The following PIK3R5 variants were observed in gnomAD, a reference collection of about 807,000 sequenced individuals.
PIK3R5 encodes the protein phosphoinositide 3-kinase regulatory subunit 5.
PIK3R5 carries 32 observed loss-of-function variants against 94.9 expected under a neutral mutation model. The ratio of observed to expected loss-of-function variants is 0.34; its 90% CI spans 0.25 to 0.45. The LOEUF (loss-of-function observed/expected upper bound fraction) is 0.45. PIK3R5 is among the 20% of genes least tolerant of loss of function. The pLI is 1.00. For synonymous variants in PIK3R5, 443 were observed against 479.4 expected, an observed-to-expected ratio of 0.92 and a Z score of 0.99; for missense variants, 853 against 1,144.6, an observed-to-expected ratio of 0.75 and a Z score of 3.68.
At chr17:8,917,174 G>A (rs1477100481) in intron 1 of PIK3R5, among the ~76,000 whole-genome samples, 1 of 152,214 alleles carries the variant, frequency 6.6e-6, no homozygotes, top group African/African-American at 2.4e-5. Context: ...GTTACTATGG[G>A]AGGTGGAGGT....
At chr17:8,962,876 C>T (rs186609043) in intron 1 of PIK3R5, among the ~76,000 whole-genome samples, 1 of 152,330 alleles carries the variant, frequency 6.6e-6, no homozygotes, top group Admixed American at 6.5e-5. Context: ...CCTTTCTCTC[C>T]TCCCACCCCA....
rs61759570 is a variant in PIK3R5 at position 8,911,356 on chromosome 17, A to C, written c.103+36T>G. The C allele has an allele frequency of 1.1e-5, 17 of 1,534,888 alleles. No individual in the cohort carries two copies. Among genetic ancestry groups the C allele is most frequent in the Non-Finnish European group, 1.5e-5 (17 of 1,122,076 alleles). Reference sequence around the variant, plus strand: ...CACCGTGGCCCCTGAGGCTTCCTTGAGCCCTCAAACACCTCCCCGGCTCCC... The same window carrying C: ...CACCGTGGCCCCTGAGGCTTCCTTGCGCCCTCAAACACCTCCCCGGCTCCC... On this transcript the variant is annotated intron_variant, in intron 2 of 18. Coordinates refer to ENST00000447110, the MANE Select transcript of PIK3R5 (RefSeq NM_001142633.3). The surrounding 1 kb of genome is among the most constrained non-coding windows in gnomAD (Gnocchi z 5.3).
In PIK3R5 at chr17:8,911,258, G is replaced by T. The variant is rs2090518292; in HGVS notation, c.103+134C>A. Reference sequence around the variant, plus strand: ...GCGCCAGGCACCTGCCCAGGAGAAGGCTGAGGCTTGCCCAAGTCACACAGA... The same window carrying T: ...GCGCCAGGCACCTGCCCAGGAGAAGTCTGAGGCTTGCCCAAGTCACACAGA... On this transcript the variant is annotated intron_variant, in intron 2 of 18. Coordinates refer to ENST00000447110, the MANE Select transcript of PIK3R5 (RefSeq NM_001142633.3). This position sits in a 1 kb window ranked among gnomAD's most constrained non-coding sequence, Gnocchi z 5.3. 3 of 677,176 alleles carry T rather than the reference G, an allele frequency of 4.4e-6. No individual in the cohort carries two copies. Among genetic ancestry groups the T allele is most frequent in the Non-Finnish European group, 7.7e-6 (3 of 387,474 alleles). 41.9% of individuals were successfully genotyped at this position (677,176 alleles called of 1,614,324 possible).
chr17:8,919,580 G>A (rs1597403390), intron 1 of PIK3R5, among the ~76,000 whole-genome samples: 1 of 152,164 alleles, frequency 6.6e-6, no homozygotes, highest in East Asian at 1.9e-4. Flanking sequence ...ACAGTTCATA[G>A]TTAATATATT....
At chr17:8,921,088 G>A (rs1010589472) in intron 1 of PIK3R5, among the ~76,000 whole-genome samples, 9 of 151,918 alleles carry the variant, frequency 5.9e-5, no homozygotes, top group Admixed American at 1.3e-4. Flanking sequence ...TGATCCACCC[G>A]CCTCAGCCTC....
In PIK3R5 at chr17:8,904,858, G is replaced by A. The variant is rs373905508; in HGVS notation, c.331C>T (p.Arg111Trp). The change falls in exon 5 of 19, where the codon CGG becomes TGG. Residue 111 changes from arginine (R) to tryptophan (W), a missense_variant. Physicochemically the swap from Arg to Trp is moderately radical, Grantham distance 101. This residue lies in a region of PIK3R5 where 108 missense variants were observed against 170.1 expected (regional missense o/e 0.63). Transcript: ENST00000447110. This position sits in a 1 kb window ranked among gnomAD's most constrained non-coding sequence, Gnocchi z 5.1. ...LLLKAASTYH[R>W]FLTWPVPYCS... ...TAAGGAACAGGCCAGGTCAGGAACC[G>A]GTGGTAGGTGCTGGCTGCCTTCAGA... 5 of 1,613,978 alleles carry A rather than the reference G, an allele frequency of 3.1e-6. No homozygotes were observed. The highest frequency in any genetic ancestry group is 1.3e-5 in the African/African-American group (1 of 74,932).
At chr17:8,963,539 T>G (rs1394311565) in intron 1 of PIK3R5, among the ~76,000 whole-genome samples, 2 of 139,858 alleles carry the variant, frequency 1.4e-5, no homozygotes, top group Admixed American at 7.2e-5. Flanking sequence ...TTTTTTTTTT[T>G]GTTTGTCTGT....
At chr17:8,887,269 C>A in intron 11 of PIK3R5, 48 bp from the exon 12 acceptor site, 2 of 1,607,740 alleles carry the variant, frequency 1.2e-6, no homozygotes, top group Non-Finnish European at 8.5e-7. Context: ...AGGAGGCCTG[C>A]CCATCCTAGC....
intron 1 of PIK3R5, among the ~76,000 whole-genome samples, chr17:8,912,961 C>T (rs1166288859): frequency 6.6e-6 from 1 of 152,228 alleles, no homozygotes; most frequent in Non-Finnish European, 1.5e-5. Context: ...CACCTTGGTT[C>T]CATCACGGGT....
intron 5 of PIK3R5, among the ~76,000 whole-genome samples, chr17:8,902,287 C>T (rs571760821): frequency 1.8e-5 from 2 of 113,340 alleles, no homozygotes; most frequent in South Asian, 2.8e-4. Context: ...GATGGAGTCT[C>T]GCTTTGTCTG....
intron 1 of PIK3R5, among the ~76,000 whole-genome samples, chr17:8,923,904 CCCCTT>C (rs1364324514): frequency 7.6e-6 from 1 of 131,164 alleles, no homozygotes; most frequent in Non-Finnish European, 1.6e-5. Context: ...CCCCTCCCCT[CCCCTT>C]CCCTTCCCTT....
intron 1 of PIK3R5, among the ~76,000 whole-genome samples, chr17:8,957,296 T>G (rs2091481158): frequency 6.6e-6 from 1 of 152,230 alleles, no homozygotes. Context: ...ACTGTTGACC[T>G]GCTCTGAATT....
rs896289643 is a variant in PIK3R5, at chr17:8,881,485, T to TCA, written c.2382+143_2382+144dup. 3 of 699,890 alleles carry TCA rather than the reference T, an allele frequency of 4.3e-6. No individual in the cohort carries two copies. The highest frequency in any genetic ancestry group is 2.5e-6 in the Non-Finnish European group (1 of 394,964). 43.4% of individuals were successfully genotyped at this position (699,890 alleles called of 1,614,324 possible). On this transcript the variant is annotated intron_variant, in intron 17 of 18. Coordinates refer to ENST00000447110, the MANE Select transcript of PIK3R5 (RefSeq NM_001142633.3). This position sits in a 1 kb window ranked among gnomAD's most constrained non-coding sequence, Gnocchi z 4.8. The stretch of plus-strand genomic sequence containing the variant: ...TCCTCCCCCACCTCTCCTCTCTCTC[T>TCA]CACACACACACAAGTATGTACACAC...
Position 8,887,702 on chromosome 17 carries a change from T to G in PIK3R5, c.1617-19A>C, listed in dbSNP as rs1597375238. On this transcript the variant is annotated intron_variant, in intron 10 of 18. Transcript: ENST00000447110. ...CAGCCGCCTGGCAAGAAGAAGATGG[T>G]GAGAAGGGGAATGGGCATGGTGGCT... 2 of 1,575,278 alleles carry G rather than the reference T, an allele frequency of 1.3e-6. No homozygotes were observed. Among genetic ancestry groups the G allele is most frequent in the African/African-American group, 2.7e-5 (2 of 73,744 alleles).
At chr17:8,957,610 T>A (rs2091485482) in intron 1 of PIK3R5, among the ~76,000 whole-genome samples, 2 of 152,262 alleles carry the variant, frequency 1.3e-5, no homozygotes, top group Admixed American at 1.3e-4. Context: ...TCAAGGTGGA[T>A]ATGCCCAGTT....
rs745480898 is a variant in PIK3R5 at position 8,880,890 on chromosome 17, A to AC, written c.2495+14dup. On this transcript the variant is annotated intron_variant, in intron 18 of 18. Transcript: ENST00000447110. Reference sequence around the variant, plus strand: ...AGCAGAAACTGCTCCCCTCCCTAGGACCCCCCTTTCCTACCTGACTACACT... The same window carrying AC: ...AGCAGAAACTGCTCCCCTCCCTAGGACCCCCCCTTTCCTACCTGACTACACT... 13 of 1,612,604 alleles carry AC rather than the reference A, an allele frequency of 8.1e-6. No individual in the cohort carries two copies. Among genetic ancestry groups the AC allele is most frequent in the South Asian group, 3.3e-5 (3 of 91,054 alleles).
intron 1 of PIK3R5, among the ~76,000 whole-genome samples, chr17:8,930,254 C>T (rs1053292153): frequency 6.6e-6 from 1 of 152,018 alleles, no homozygotes; most frequent in Non-Finnish European, 1.5e-5. Flanking sequence ...CATTCTATGA[C>T]CACAATGGAA....
chr17:8,907,979 C>G (rs533331738), intron 3 of PIK3R5, among the ~76,000 whole-genome samples: 1 of 152,310 alleles, frequency 6.6e-6, no homozygotes, highest in East Asian at 1.9e-4. Flanking sequence ...CAAAGTTTGT[C>G]TCATTATGGT....
rs541835977 is a variant in PIK3R5, at chr17:8,906,941, T to C, written c.205-1204A>G. 5.7e-4 allele frequency among the ~76,000 whole-genome samples: 87 copies of C among 152,376 alleles called. 1 individual carries two copies. Among genetic ancestry groups the C allele is most frequent in the Non-Finnish European group, 9.7e-4 (66 of 68,042 alleles). ...AATCTTATGATGTAATTGTATCATA[T>C]ATTAAATTTTATTTATGCCCTTGGA... On this transcript the variant is annotated intron_variant, in intron 3 of 18. Transcript: ENST00000447110.
Sources: gnomAD v4.1 joint callset for allele counts (sites outside exome capture counted in the v4.1 genomes callset) on GRCh38, gnomAD v4.1.1 for gene constraint, gnomAD v4.1.1 regional missense constraint, Gnocchi (gnomAD v3.1) non-coding constraint, MANE v1.5 for transcripts, NCBI Gene and HGNC (gene_info 2026-07-23, HGNC 2026-07-21) for gene names.